The following DPP10 variants were observed in gnomAD, a reference collection of about 807,000 sequenced individuals.
DPP10 encodes inactive dipeptidyl peptidase 10.
Under a neutral mutation model 120.9 loss-of-function variants are expected in DPP10, and 33 were observed. The observed-to-expected ratio is 0.27, with a 90% confidence interval of 0.21 to 0.37. DPP10 has a LOEUF of 0.37. Among genes scored for constraint, DPP10 ranks in the 10% least tolerant of loss-of-function variants. DPP10 has a pLI of 1.00. For missense variants in DPP10, 816 were observed against 942.8 expected, an observed-to-expected ratio of 0.87 and a Z score of 1.76; for synonymous variants, 337 against 326.1, an observed-to-expected ratio of 1.03 and a Z score of -0.36.
intron 21 of DPP10, among the ~76,000 whole-genome samples, chr2:115,833,389 G>GAAA: frequency 6.6e-6 from 1 of 152,198 alleles, no homozygotes; most frequent in African/African-American, 2.4e-5. Flanking sequence ...TCTTGCCTAC[G>GAAA]GGAAATACTT....
At chr2:114,455,156 T>G (rs867916897) in intron 1 of DPP10, among the ~76,000 whole-genome samples, 24 of 147,392 alleles carry the variant, frequency 1.6e-4, no homozygotes, top group Admixed American at 2.7e-4. Flanking sequence ...TTTCTTTCTA[T>G]TGTGTGTGTG....
At chr2:115,380,003 G>A (rs1272155004) in intron 3 of DPP10, among the ~76,000 whole-genome samples, 1 of 152,156 alleles carries the variant, frequency 6.6e-6, no homozygotes, top group Non-Finnish European at 1.5e-5. Context: ...TCGGTGTGGT[G>A]TGGTGCTGAA....
At chr2:114,480,721 G>A (rs1006476578) in intron 1 of DPP10, among the ~76,000 whole-genome samples, 1 of 125,722 alleles carries the variant, frequency 8.0e-6, no homozygotes, top group Non-Finnish European at 1.7e-5. Context: ...GTGGGGGGAG[G>A]GGGGAGGGAT....
At chr2:114,963,067 A>T (rs1698763398) in intron 1 of DPP10, among the ~76,000 whole-genome samples, 1 of 152,226 alleles carries the variant, frequency 6.6e-6, no homozygotes, top group African/African-American at 2.4e-5. Flanking sequence ...GCATTTAAAA[A>T]TATTCTTAAG....
At chr2:114,767,318 G>T (rs1464656347) in intron 1 of DPP10, among the ~76,000 whole-genome samples, 1 of 140,608 alleles carries the variant, frequency 7.1e-6, no homozygotes, top group African/African-American at 2.6e-5. Context: ...ATATAATATA[G>T]AAATATATAA....
intron 5 of DPP10, among the ~76,000 whole-genome samples, chr2:115,687,431 T>C (rs184450335): frequency 6.1e-4 from 93 of 152,012 alleles, no homozygotes; most frequent in Non-Finnish European, 1.2e-4. Flanking sequence ...AGTAAAGGGC[T>C]AGGTTCTAAT....
intron 1 of DPP10, among the ~76,000 whole-genome samples, chr2:114,663,184 T>A (rs1213540962): frequency 6.6e-6 from 1 of 151,660 alleles, no homozygotes; most frequent in Non-Finnish European, 1.5e-5. Context: ...GGCTATATCG[T>A]GTTTCCTGCG....
At chr2:115,709,117 A>G (rs1194118185) in intron 7 of DPP10, among the ~76,000 whole-genome samples, 5 of 152,134 alleles carry the variant, frequency 3.3e-5, no homozygotes, top group African/African-American at 1.2e-4. Context: ...ATTTACAGGA[A>G]AATAGCTCAC....
chr2:115,402,156 A>G (rs1373493445), intron 3 of DPP10, among the ~76,000 whole-genome samples: 1 of 152,172 alleles, frequency 6.6e-6, no homozygotes, highest in East Asian at 1.9e-4. Context: ...CCCTTTCTCT[A>G]GGCCAACACA....
chr2:115,746,727 A>G lies in DPP10; in HGVS notation c.950+544A>G, dbSNP rs896225801. Among the ~76,000 whole-genome samples the G allele has an allele frequency of 3.9e-5, 6 of 152,164 alleles. No homozygotes were observed. The East Asian group carries it at 5.8e-4, about 15-fold the overall frequency. The stretch of plus-strand genomic sequence containing the variant: ...ATTGGGTCAGAAGCATAATTGTAAT[A>G]TTAGCAAAATCTTCAGTAGTGAACA... On this transcript the variant is annotated intron_variant, in intron 10 of 25. Transcript: ENST00000410059.
chr2:115,646,359 A>AC (rs998869115), intron 5 of DPP10, among the ~76,000 whole-genome samples: 7 of 152,250 alleles, frequency 4.6e-5, no homozygotes, highest in Admixed American at 6.5e-5. Context: ...GTGAATGGGA[A>AC]CACAGCCTGA....
chr2:114,719,990 C>A (rs138798897), intron 1 of DPP10, among the ~76,000 whole-genome samples: 1 of 152,074 alleles, frequency 6.6e-6, no homozygotes, highest in Non-Finnish European at 1.5e-5. Context: ...TTTCTTCCTG[C>A]GATTTGAGTT....
chr2:115,242,043 A>G (rs2058308497), intron 1 of DPP10, among the ~76,000 whole-genome samples: 1 of 152,092 alleles, frequency 6.6e-6, no homozygotes, highest in African/African-American at 2.4e-5. Flanking sequence ...GGCAGGTAGT[A>G]TTTGGTTGCA....
At chr2:115,346,166 A>G (rs1429078977) in intron 3 of DPP10, among the ~76,000 whole-genome samples, 2 of 152,172 alleles carry the variant, frequency 1.3e-5, no homozygotes, top group Non-Finnish European at 2.9e-5. Context: ...TACTTGGCCT[A>G]TTTACGTATT....
chr2:114,540,050 G>C (rs755727969), intron 1 of DPP10, among the ~76,000 whole-genome samples: 9 of 152,124 alleles, frequency 5.9e-5, no homozygotes, highest in African/African-American at 9.7e-5. Flanking sequence ...AATAGGAATG[G>C]AAATCTAAGG....
At chr2:115,378,269 A>C (rs1438139055) in intron 3 of DPP10, among the ~76,000 whole-genome samples, 6 of 151,242 alleles carry the variant, frequency 4.0e-5, no homozygotes, top group African/African-American at 9.7e-5. Flanking sequence ...GGTCCTTCAC[A>C]TCCCTTGTAA....
intron 1 of DPP10, among the ~76,000 whole-genome samples, chr2:115,210,009 C>CTTTTTA (rs1366256589): frequency 6.6e-6 from 1 of 151,870 alleles, no homozygotes; most frequent in African/African-American, 2.4e-5. Flanking sequence ...GTCGTCTTCT[C>CTTTTTA]TTTTTATTTT....
intron 1 of DPP10, among the ~76,000 whole-genome samples, chr2:114,827,337 A>G (rs17043627): frequency 0.06 from 9,108 of 152,192 alleles, 878 homozygotes; most frequent in African/African-American, 0.21. Context: ...GATTCAGTCA[A>G]TGTTCCAATT....
intron 1 of DPP10, among the ~76,000 whole-genome samples, chr2:114,989,010 T>C (rs1700598085): frequency 6.6e-6 from 1 of 152,108 alleles, no homozygotes; most frequent in African/African-American, 2.4e-5. Context: ...CTAAAATTAC[T>C]ATAGAGTGGT....
Sources: allele counts gnomAD v4.1 joint callset (sites outside exome capture counted in the v4.1 genomes callset), GRCh38; gene constraint gnomAD v4.1.1; transcripts MANE v1.5; gene names NCBI Gene and HGNC (gene_info 2026-07-23, HGNC 2026-07-21).